The following TRAK1 variants were observed in gnomAD, a reference collection of about 807,000 sequenced individuals.
The protein encoded by TRAK1 is trafficking kinesin-binding protein 1.
TRAK1 carries 33 observed loss-of-function variants against 92.1 expected under a neutral mutation model. The ratio of observed to expected loss-of-function variants is 0.36; its 90% CI spans 0.27 to 0.48. The LOEUF is 0.48. Among genes scored for constraint, TRAK1 ranks in the 20% least tolerant of loss-of-function variants. TRAK1 has a pLI of 0.99. For synonymous variants in TRAK1, 521 were observed against 517.3 expected (o/e 1.01, Z -0.10); for missense variants, 1,123 against 1,257.9 (o/e 0.89, Z 1.62).
chr3:42,061,907 G>A (rs1008110682), intron 1 of TRAK1, among the ~76,000 whole-genome samples: 1 of 152,176 alleles, frequency 6.6e-6, no homozygotes, highest in African/African-American at 2.4e-5. Context: ...ACAGCCATTG[G>A]CACTCACTCT....
intron 1 of TRAK1, among the ~76,000 whole-genome samples, chr3:42,080,999 C>G (rs976398688): frequency 6.6e-6 from 1 of 152,140 alleles, no homozygotes; most frequent in Non-Finnish European, 1.5e-5. Flanking sequence ...CTCAACCTCC[C>G]TAGTAGCAGG....
At chr3:42,203,880 G>A in intron 13 of TRAK1, 1 of 930,584 alleles carries the variant, frequency 1.1e-6, no homozygotes, top group Non-Finnish European at 1.3e-6. Context: ...ATCCAATTAT[G>A]TTTACCTCAA....
At chr3:42,207,645 C>T (rs903290284) in intron 13 of TRAK1, among the ~76,000 whole-genome samples, 1 of 152,154 alleles carries the variant, frequency 6.6e-6, no homozygotes, top group African/African-American at 2.4e-5. Flanking sequence ...GCAGGCCTGC[C>T]TCAATATAGG....
intron 1 of TRAK1, among the ~76,000 whole-genome samples, chr3:42,025,989 GTTTC>G (rs1701899710): frequency 6.6e-6 from 1 of 151,840 alleles, no homozygotes; most frequent in African/African-American, 2.4e-5. Context: ...CTCTGTCTCT[GTTTC>G]TTTGTTTCTC....
intron 1 of TRAK1, 114 bp from the exon 2 acceptor site, chr3:42,125,306 T>G (rs1576484148): frequency 1.1e-6 from 1 of 902,096 alleles, no homozygotes; most frequent in East Asian, 2.6e-5. Context: ...GTCTAGCTTC[T>G]TTGTGCTGTA....
At chr3:42,119,233 A>T (rs1196955498) in intron 1 of TRAK1, among the ~76,000 whole-genome samples, 1 of 152,260 alleles carries the variant, frequency 6.6e-6, no homozygotes, top group Non-Finnish European at 1.5e-5. Context: ...GAACTGTGGA[A>T]GCCAGAGAAG....
At chr3:42,153,569 T>G (rs1474030662) in intron 2 of TRAK1, among the ~76,000 whole-genome samples, 1 of 152,188 alleles carries the variant, frequency 6.6e-6, no homozygotes, top group Non-Finnish European at 1.5e-5. Flanking sequence ...TAGTTCATAC[T>G]GATTTCACAA....
chr3:42,086,311 C>CTTTCTTTTTT (rs1553711095), upstream of TRAK1, among the ~76,000 whole-genome samples: 8 of 140,476 alleles, frequency 5.7e-5, no homozygotes, highest in African/African-American at 8.3e-5. Context: ...CTTTTTCTTT[C>CTTTCTTTTTT]TTTTTTTTTT....
rs368336991 is a variant in TRAK1, at chr3:42,211,530, A to G, written c.1963+1545A>G. On this transcript the variant is annotated intron_variant, in intron 14 of 15. Transcript: ENST00000327628. ...CAGGAAGGCAGGTGGTGGTGCAGAA[A>G]CATGATGCCTGGCTGATTTTCGTGG... 4.5e-4 allele frequency: 439 copies of G among 985,426 alleles called. 5 individuals are homozygous for G. In the South Asian group the frequency reaches 0.018, roughly 40 times the overall value. 61.0% of individuals were successfully genotyped at this position (985,426 alleles called of 1,614,324 possible).
intron 1 of TRAK1, among the ~76,000 whole-genome samples, chr3:42,108,473 A>G (rs962186289): frequency 2.0e-5 from 3 of 147,648 alleles, no homozygotes; most frequent in African/African-American, 7.6e-5. Flanking sequence ...CGTGGGTGAC[A>G]GGAGTGAGAC....
intron 1 of TRAK1, among the ~76,000 whole-genome samples, chr3:42,045,251 C>G (rs1702706654): frequency 6.6e-6 from 1 of 152,022 alleles, no homozygotes; most frequent in South Asian, 2.1e-4. Context: ...ACCATAAACC[C>G]AGGCCGGGCA....
chr3:42,149,121 G>C, intron 2 of TRAK1: 1 of 920,550 alleles, frequency 1.1e-6, no homozygotes, highest in Non-Finnish European at 1.3e-6. Flanking sequence ...GCAACGGTTA[G>C]ATTGAAAGAT....
chr3:42,057,373 G>A (rs1243823809), intron 1 of TRAK1, among the ~76,000 whole-genome samples: 1 of 152,178 alleles, frequency 6.6e-6, no homozygotes, highest in Non-Finnish European at 1.5e-5. Context: ...AATGATGGGA[G>A]TAACAGAAAT....
intron 1 of TRAK1, among the ~76,000 whole-genome samples, chr3:42,049,439 A>G (rs958974950): frequency 2.0e-5 from 3 of 151,694 alleles, no homozygotes; most frequent in African/African-American, 7.3e-5. Context: ...CTATTTTTTA[A>G]AATTATTTAT....
chr3:42,222,849 C>G, intron 15 of TRAK1, 93 bp from the exon 16 acceptor site: 1 of 1,370,874 alleles, frequency 7.3e-7, no homozygotes, highest in East Asian at 2.3e-5. Flanking sequence ...TGTCCTGGGT[C>G]GTCCCTACCC....
At chr3:42,073,836 C>T (rs1006397063) in intron 1 of TRAK1, among the ~76,000 whole-genome samples, 15 of 152,178 alleles carry the variant, frequency 9.9e-5, no homozygotes, top group African/African-American at 3.4e-4. Flanking sequence ...AGATGAAAGA[C>T]GGGAGGAACA....
chr3:42,221,786 C>G (rs990496500), intron 15 of TRAK1: 1 of 152,186 alleles, frequency 6.6e-6, no homozygotes, highest in African/African-American at 2.4e-5. Flanking sequence ...GGCTTCCATG[C>G]CTGTTTGGCC....
At chr3:42,179,370 G>A (rs1455939919) in intron 3 of TRAK1, among the ~76,000 whole-genome samples, 1 of 152,206 alleles carries the variant, frequency 6.6e-6, no homozygotes, top group Non-Finnish European at 1.5e-5. Context: ...GCCACAGGCA[G>A]GCAAATGGGG....
At chr3:42,074,002 A>T (rs1374642800) in intron 1 of TRAK1, among the ~76,000 whole-genome samples, 1 of 152,114 alleles carries the variant, frequency 6.6e-6, no homozygotes, top group African/African-American at 2.4e-5. Context: ...CCCTGTTACG[A>T]CAAGAGGGTT....
Sources: allele counts gnomAD v4.1 joint callset (sites outside exome capture counted in the v4.1 genomes callset), GRCh38; gene constraint gnomAD v4.1.1; transcripts MANE v1.5; gene names NCBI Gene and HGNC (gene_info 2026-07-23, HGNC 2026-07-21).